The following PARP8 variants were observed in gnomAD, a reference collection of about 807,000 sequenced individuals.
PARP8 encodes the protein protein mono-ADP-ribosyltransferase PARP8.
In PARP8, 51 loss-of-function variants were observed where a neutral mutation model predicts 124.1. The ratio of observed to expected loss-of-function variants is 0.41; its 90% CI spans 0.33 to 0.52. The LOEUF is 0.52. Among genes scored for constraint, PARP8 ranks in the 20% least tolerant of loss-of-function variants. The pLI is 0.21. For synonymous variants in PARP8, 391 were observed against 361.5 expected, an observed-to-expected ratio of 1.08 and a Z score of -0.93; for missense variants, 860 against 1,018.9, an observed-to-expected ratio of 0.84 and a Z score of 2.12.
intron 8 of PARP8, 105 bp from the exon 9 acceptor site, chr5:50,778,455 T>A (rs777429850): frequency 3.4e-6 from 3 of 894,400 alleles, no homozygotes; most frequent in African/African-American, 3.4e-5. Flanking sequence ...TAGGCCTTCA[T>A]GTTATATGCA....
chr5:50,762,631 C>G (rs956685434), intron 6 of PARP8, among the ~76,000 whole-genome samples: 40 of 152,192 alleles, frequency 2.6e-4, no homozygotes, highest in African/African-American at 9.1e-4. Context: ...TTTATTTATT[C>G]AGAATGAAAA....
At chr5:50,667,577 G>A in intron 1 of PARP8, 2 of 698,926 alleles carry the variant, frequency 2.9e-6, no homozygotes, top group Non-Finnish European at 5.2e-6. Context: ...GCCGGGAATG[G>A]AGCCTGCTGC....
At chr5:50,755,570 T>A (rs1759839103) in intron 3 of PARP8, among the ~76,000 whole-genome samples, 1 of 152,198 alleles carries the variant, frequency 6.6e-6, no homozygotes, top group Non-Finnish European at 1.5e-5. Flanking sequence ...ACCATACTGT[T>A]TTGGTTGCTG....
intron 2 of PARP8, among the ~76,000 whole-genome samples, chr5:50,692,305 A>G (rs1413914475): frequency 6.6e-6 from 1 of 151,946 alleles, no homozygotes; most frequent in East Asian, 1.9e-4. Context: ...AATTTTTAAT[A>G]TATTTTTATT....
At chr5:50,730,427 G>A (rs949683634) in intron 2 of PARP8, among the ~76,000 whole-genome samples, 33 of 152,094 alleles carry the variant, frequency 2.2e-4, no homozygotes, top group Admixed American at 2.1e-3. Context: ...AAAGTGCTGA[G>A]CAAAAGGGGG....
intron 3 of PARP8, among the ~76,000 whole-genome samples, chr5:50,754,733 G>C (rs1759722235): frequency 6.6e-6 from 1 of 152,140 alleles, no homozygotes; most frequent in Admixed American, 6.5e-5. Context: ...GGTATTTCTA[G>C]TTCTAGATCC....
intron 2 of PARP8, among the ~76,000 whole-genome samples, chr5:50,726,412 GT>G (rs1377575830): frequency 6.6e-6 from 1 of 152,120 alleles, no homozygotes; most frequent in East Asian, 1.9e-4. Flanking sequence ...TTACAAATAT[GT>G]TTTTATTGAT....
At chr5:50,763,405 TA>T (rs1760755703) in intron 7 of PARP8, 163 bp downstream of exon 7, 5 of 571,800 alleles carry the variant, frequency 8.7e-6, no homozygotes. Context: ...TATTTATGGC[TA>T]TTTTTTTGAT....
chr5:50,673,425 A>G (rs956334471), intron 2 of PARP8, among the ~76,000 whole-genome samples: 1 of 152,196 alleles, frequency 6.6e-6, no homozygotes, highest in Non-Finnish European at 1.5e-5. Flanking sequence ...GATATTTATT[A>G]AGCATCGTCT....
At chr5:50,840,914 G>A (rs1580529745) in intron 25 of PARP8, among the ~76,000 whole-genome samples, 2 of 151,912 alleles carry the variant, frequency 1.3e-5, no homozygotes, top group Admixed American at 1.3e-4. Flanking sequence ...CTAAAACAGC[G>A]ATAAGAATTA....
At chr5:50,782,236 G>A (rs1561372093) in intron 9 of PARP8, among the ~76,000 whole-genome samples, 1 of 152,082 alleles carries the variant, frequency 6.6e-6, no homozygotes, top group Non-Finnish European at 1.5e-5. Context: ...TGCTCTGTTT[G>A]TGCAAAATTT....
chr5:50,806,630 A>T (rs1425230215), intron 14 of PARP8, among the ~76,000 whole-genome samples: 2 of 152,062 alleles, frequency 1.3e-5, no homozygotes, highest in Non-Finnish European at 2.9e-5. Context: ...GTTCTTAAAT[A>T]GTAAGATAAG....
chr5:50,787,899 G>GTATATATGTATATATGT (rs1330720798), intron 9 of PARP8, among the ~76,000 whole-genome samples: 1 of 149,370 alleles, frequency 6.7e-6, no homozygotes, highest in Non-Finnish European at 1.5e-5. Flanking sequence ...ATATATGTTA[G>GTATATATGTATATATGT]TATATATGTA....
intron 2 of PARP8, among the ~76,000 whole-genome samples, chr5:50,729,742 T>A (rs903990132): frequency 6.6e-6 from 1 of 152,212 alleles, no homozygotes; most frequent in Non-Finnish European, 1.5e-5. Context: ...TCTTTACTGA[T>A]AAATTTGGAC....
intron 2 of PARP8, among the ~76,000 whole-genome samples, chr5:50,678,851 C>T (rs1414852078): frequency 6.6e-6 from 1 of 152,086 alleles, no homozygotes; most frequent in Non-Finnish European, 1.5e-5. Flanking sequence ...CAGGGCCTGA[C>T]AGAAGTCAGT....
rs534735449 is a variant in PARP8 at position 50,844,403 on chromosome 5, T to C, written c.*2335T>C. On this transcript the variant is annotated 3_prime_UTR_variant, in exon 26 of 26. Transcript: ENST00000281631. ...GGGATACTATAATAACTGATAAAGATGAATTTCTGTGTTTCTAAAGAATCT... is the reference window on the plus strand; with the variant it reads ...GGGATACTATAATAACTGATAAAGACGAATTTCTGTGTTTCTAAAGAATCT... The C allele has an allele frequency of 6.6e-6, 1 of 151,894 alleles. No individual in the cohort carries two copies. Among genetic ancestry groups the C allele is most frequent in the East Asian group, 1.9e-4 (1 of 5,156 alleles). 9.4% of individuals were successfully genotyped at this position (151,894 alleles called of 1,614,324 possible). A position where few individuals can be genotyped will look rare whatever the true frequency, so the allele number is the denominator to read the frequency against.
Position 50,823,078 on chromosome 5 carries a change from CATT to C in PARP8, c.1860+681_1860+683del, listed in dbSNP as rs202178566. 5.8e-3 allele frequency among the ~76,000 whole-genome samples: 882 copies of C among 152,346 alleles called. 3 individuals are homozygous for C. Among genetic ancestry groups the C allele is most frequent in the African/African-American group, 0.02 (834 of 41,592 alleles). On this transcript the variant is annotated intron_variant, in intron 17 of 25. Coordinates refer to ENST00000281631, the MANE Select transcript of PARP8 (RefSeq NM_024615.4). ...TTAATAATCTGAGATTGACAACGCA[CATT>C]ATGTGTGCAGCTTGCATGTAGTGGT...
In PARP8 at chr5:50,666,935, CTCT is replaced by C; in HGVS notation, c.-157_-155del. On this transcript the variant is annotated 5_prime_UTR_variant, in exon 1 of 26. Transcript: ENST00000281631. ...CCTCCTCCTCCCCCTCCTCCTCCTC[CTCT>C]TCTCTCACCCAGGATCACTTCCGAA... 6.9e-7 allele frequency: 1 copy of C among 1,442,958 alleles called. No homozygotes were observed. The highest frequency in any genetic ancestry group is 9.1e-7 in the Non-Finnish European group (1 of 1,102,028). The allele number at this position is 1,442,958 out of a possible 1,614,324, so 89.4% of individuals were successfully genotyped here.
intron 1 of PARP8, 29 bp from the exon 2 acceptor site, chr5:50,668,042 G>A: frequency 6.2e-7 from 1 of 1,612,018 alleles, no homozygotes; most frequent in East Asian, 2.2e-5. Flanking sequence ...CACTCCAGGG[G>A]TAGCTTTTGA....
Sources: gnomAD v4.1 joint callset for allele counts (sites outside exome capture counted in the v4.1 genomes callset) on GRCh38, gnomAD v4.1.1 for gene constraint, MANE v1.5 for transcripts, NCBI Gene and HGNC (gene_info 2026-07-23, HGNC 2026-07-21) for gene names.